GRB10: variants seen among roughly 807,000 people sequenced by gnomAD.
GRB10 encodes growth factor receptor-bound protein 10.
A neutral mutation model predicts 80.9 loss-of-function variants in GRB10; 20 were observed. The ratio of observed to expected loss-of-function variants is 0.25; its 90% CI spans 0.17 to 0.36. The LOEUF is 0.36. GRB10 is among the 10% of genes least tolerant of loss of function. The probability of loss-of-function intolerance (pLI) is 1.00; values close to 1 mark genes in which losing one functional copy is unlikely to be tolerated. For synonymous variants in GRB10, 291 were observed against 291.5 expected, an observed-to-expected ratio of 1.00 and a Z score of 0.02; for missense variants, 548 against 747.7, an observed-to-expected ratio of 0.73 and a Z score of 3.12.
At chr7:50,636,213 A>G (rs1394838855) in intron 7 of GRB10, among the ~76,000 whole-genome samples, 1 of 152,132 alleles carries the variant, frequency 6.6e-6, no homozygotes, top group Non-Finnish European at 1.5e-5. Flanking sequence ...TCATGAGCTC[A>G]GGTGATCCAC....
intron 3 of GRB10, among the ~76,000 whole-genome samples, chr7:50,735,137 C>T (rs9656698): frequency 0.09 from 13,642 of 152,108 alleles, 2,025 homozygotes; most frequent in African/African-American, 0.31. Flanking sequence ...AAAGTGAACA[C>T]GCAAAAACCA....
At chr7:50,784,556 T>A (rs1482780637), upstream of GRB10, among the ~76,000 whole-genome samples, 1 of 152,174 alleles carries the variant, frequency 6.6e-6, no homozygotes, top group Non-Finnish European at 1.5e-5. Context: ...CTCCCCTCTA[T>A]TACAAAATGC....
intron 3 of GRB10, among the ~76,000 whole-genome samples, chr7:50,740,051 T>C (rs1233272011): frequency 6.6e-6 from 1 of 152,210 alleles, no homozygotes; most frequent in Non-Finnish European, 1.5e-5. Context: ...ACATGAATCC[T>C]TTCTTTTGTT....
intron 7 of GRB10, among the ~76,000 whole-genome samples, chr7:50,669,264 C>G (rs1243657202): frequency 6.6e-6 from 1 of 152,192 alleles, no homozygotes; most frequent in Admixed American, 6.5e-5. Context: ...GCAGCCTGTA[C>G]AAGAATCATG....
intron 4 of GRB10, among the ~76,000 whole-genome samples, chr7:50,728,409 A>G (rs117329161): frequency 0.016 from 2,450 of 152,278 alleles, 27 homozygotes; most frequent in Non-Finnish European, 0.025. Context: ...AATCTAGGGC[A>G]CCCAACAGAA....
intron 3 of GRB10, among the ~76,000 whole-genome samples, chr7:50,753,834 G>C (rs1289234752): frequency 6.6e-6 from 1 of 152,218 alleles, no homozygotes; most frequent in Non-Finnish European, 1.5e-5. Context: ...ATTTCCCTTT[G>C]AATTATATGA....
rs144233413 is a variant in GRB10, at chr7:50,642,489, T to C, written c.505-15511A>G. Among the ~76,000 whole-genome samples, 26 of 152,276 alleles carry C rather than the reference T, an allele frequency of 1.7e-4. No homozygotes were observed. The East Asian group carries it at 5.0e-3, about 29-fold the overall frequency. On this transcript the variant is annotated intron_variant, in intron 7 of 18. Coordinates refer to ENST00000401949, the MANE Select transcript of GRB10 (RefSeq NM_001350814.2). Reference sequence around the variant, plus strand: ...ACATATACATATACACATAAATATATATACACATAAATATATATACACATA... The same window carrying C: ...ACATATACATATACACATAAATATACATACACATAAATATATATACACATA...
At chr7:50,646,264 G>T (rs1349937192) in intron 7 of GRB10, among the ~76,000 whole-genome samples, 9 of 152,182 alleles carry the variant, frequency 5.9e-5, no homozygotes. Flanking sequence ...GGGGGCCCTT[G>T]TTTCCGGGAG....
chr7:50,652,828 A>T (rs902160623), intron 7 of GRB10, among the ~76,000 whole-genome samples: 2 of 152,144 alleles, frequency 1.3e-5, no homozygotes. Context: ...CTTATTGCAC[A>T]CCAGGTTTAG....
upstream of GRB10, among the ~76,000 whole-genome samples, chr7:50,783,143 G>A (rs920588663): frequency 6.6e-6 from 1 of 152,176 alleles, no homozygotes; most frequent in Non-Finnish European, 1.5e-5. Flanking sequence ...GGGACATCGC[G>A]GCCGCGGCAA....
intron 3 of GRB10, among the ~76,000 whole-genome samples, chr7:50,749,386 T>G (rs2073733321): frequency 6.6e-6 from 1 of 152,046 alleles, no homozygotes; most frequent in Non-Finnish European, 1.5e-5. Context: ...ACCTCAGCCT[T>G]CCAAAGTGCT....
intron 4 of GRB10, among the ~76,000 whole-genome samples, chr7:50,720,069 C>T (rs1247162773): frequency 6.6e-6 from 1 of 152,142 alleles, no homozygotes; most frequent in Non-Finnish European, 1.5e-5. Context: ...TGAAGCCCAT[C>T]TTCAGATAAA....
chr7:50,735,336 GGAA>G (rs2070609965), intron 3 of GRB10, among the ~76,000 whole-genome samples: 2 of 152,188 alleles, frequency 1.3e-5, no homozygotes, highest in African/African-American at 4.8e-5. Flanking sequence ...CTGTGTTGGA[GGAA>G]CTAATATTGT....
At chr7:50,689,645 A>C (rs1207818602) in intron 5 of GRB10, among the ~76,000 whole-genome samples, 6 of 152,136 alleles carry the variant, frequency 3.9e-5, no homozygotes, top group Admixed American at 3.9e-4. Context: ...AAATGTGCAC[A>C]CAGTGTCTAC....
intron 4 of GRB10, among the ~76,000 whole-genome samples, chr7:50,714,535 C>T (rs1475632770): frequency 6.6e-6 from 1 of 151,938 alleles, no homozygotes; most frequent in East Asian, 1.9e-4. Context: ...TGGTGGCGGG[C>T]GCCTGTAGTC....
rs148286248 is a variant in GRB10 at position 50,753,312 on chromosome 7, G to A, written c.-47+2575C>T. On this transcript the variant is annotated intron_variant, in intron 3 of 18. Coordinates refer to ENST00000401949, the MANE Select transcript of GRB10 (RefSeq NM_001350814.2). ...AACTGTTAGGTCAAGCAAAACGTGA[G>A]TTCTTAACAGGATATCTTTCTACCA... Among the ~76,000 whole-genome samples, 283 of 152,354 alleles carry A rather than the reference G, an allele frequency of 1.9e-3. 1 individual carries two copies. Among genetic ancestry groups the A allele is most frequent in the African/African-American group, 6.6e-3 (274 of 41,578 alleles).
chr7:50,712,323 C>T (rs1409946344), intron 4 of GRB10, among the ~76,000 whole-genome samples: 4 of 152,178 alleles, frequency 2.6e-5, no homozygotes, highest in African/African-American at 9.7e-5. Flanking sequence ...GCAGAGATTT[C>T]AGTCAAACTG....
rs757575173 is a variant in GRB10, at chr7:50,684,447, C to T, written c.140-9789G>A. 2.6e-5 allele frequency among the ~76,000 whole-genome samples: 4 copies of T among 151,996 alleles called. No homozygotes were observed. The East Asian group carries it at 7.7e-4, about 29-fold the overall frequency. On this transcript the variant is annotated intron_variant, in intron 5 of 18. Transcript: ENST00000401949. ...GACCTGGCATCCAATGTTCAGTGAG[C>T]ATCCCCTAGAAAAGCATGTAAAGTT...
intron 3 of GRB10, among the ~76,000 whole-genome samples, chr7:50,748,293 G>C (rs146054247): frequency 1.3e-3 from 204 of 152,344 alleles, no homozygotes; most frequent in African/African-American, 4.6e-3. Flanking sequence ...GCCATGTGCT[G>C]GTGTTAGAGA....
Sources: allele counts gnomAD v4.1 joint callset (sites outside exome capture counted in the v4.1 genomes callset), GRCh38; gene constraint gnomAD v4.1.1; transcripts MANE v1.5; gene names NCBI Gene and HGNC (gene_info 2026-07-23, HGNC 2026-07-21).